Variants in RSPO3 observed in about 807,000 individuals in gnomAD.
RSPO3 encodes the protein R-spondin 3.
Under a neutral mutation model 36.5 loss-of-function variants are expected in RSPO3, and 17 were observed. The observed-to-expected ratio is 0.47, with a 90% CI of 0.32 to 0.70. The LOEUF is 0.70. Among genes scored for constraint, RSPO3 ranks in the 30% least tolerant of loss-of-function variants. The probability of loss-of-function intolerance (pLI) is 0.04; values close to 1 mark genes in which losing one functional copy is unlikely to be tolerated. For synonymous variants in RSPO3, 108 were observed against 107.0 expected (o/e 1.01, Z -0.06); for missense variants, 294 against 322.5 (o/e 0.91, Z 0.68).
chr6:127,169,435 A>G (rs1330664225), intron 4 of RSPO3, among the ~76,000 whole-genome samples: 2 of 151,872 alleles, frequency 1.3e-5, no homozygotes, highest in African/African-American at 4.8e-5. Flanking sequence ...TGTATAAGCT[A>G]TCTTGTCCTA....
At chr6:127,188,299 T>C (rs1341043865) in intron 4 of RSPO3, among the ~76,000 whole-genome samples, 1 of 152,226 alleles carries the variant, frequency 6.6e-6, no homozygotes, top group East Asian at 1.9e-4. Context: ...AAAGAGAGTT[T>C]ATTATGCTTA....
Position 127,198,906 on chromosome 6 carries a change from A to T in RSPO3, c.*2899A>T, listed in dbSNP as rs1005502332. On this transcript the variant is annotated 3_prime_UTR_variant, in exon 5 of 5. Coordinates refer to ENST00000356698, the MANE Select transcript of RSPO3 (RefSeq NM_032784.5). ...AACCCTGCTTTTCTCAAAAGTGAAA[A>T]TGTATAGGCTCTCAGAGGAGACAGA... Among the ~76,000 whole-genome samples the T allele has an allele frequency of 2.6e-5, 4 of 152,214 alleles. No homozygotes were observed. The highest frequency in any genetic ancestry group is 4.8e-5 in the African/African-American group (2 of 41,454).
At chr6:127,167,304 G>A (rs1774840727) in intron 4 of RSPO3, among the ~76,000 whole-genome samples, 1 of 151,914 alleles carries the variant, frequency 6.6e-6, no homozygotes, top group African/African-American at 2.4e-5. Context: ...AGGTACCAGT[G>A]TGTGTTGTTT....
intron 4 of RSPO3, among the ~76,000 whole-genome samples, chr6:127,160,086 A>G (rs1410122686): frequency 6.6e-6 from 1 of 152,110 alleles, no homozygotes; most frequent in Non-Finnish European, 1.5e-5. Flanking sequence ...TCTTTTTCAT[A>G]ATACTCTCCT....
intron 4 of RSPO3, among the ~76,000 whole-genome samples, chr6:127,174,875 CAGAA>C (rs1447919978): frequency 6.6e-6 from 1 of 151,712 alleles, no homozygotes; most frequent in East Asian, 1.9e-4. Context: ...GGAAGTCTGA[CAGAA>C]AGAGTGTTTA....
chr6:127,198,001 C>G lies in RSPO3; in HGVS notation c.*1994C>G, dbSNP rs1407130163. Among the ~76,000 whole-genome samples, 1 of 152,214 alleles carries G rather than the reference C, an allele frequency of 6.6e-6. No homozygotes were observed. Among genetic ancestry groups the G allele is most frequent in the Non-Finnish European group, 1.5e-5 (1 of 68,042 alleles). On this transcript the variant is annotated 3_prime_UTR_variant, in exon 5 of 5. Transcript: ENST00000356698. ...ATCTTTCTTCTGAGTGTTACCCAGT[C>G]AAGTATAAGTAGCCAAATTATTTTT... is the stretch of plus-strand genomic sequence containing the variant.
chr6:127,172,306 T>G (rs546307611), intron 4 of RSPO3, among the ~76,000 whole-genome samples: 2 of 151,340 alleles, frequency 1.3e-5, no homozygotes, highest in African/African-American at 4.8e-5. Context: ...TACATATGGT[T>G]TTTATAATCA....
intron 1 of RSPO3, among the ~76,000 whole-genome samples, chr6:127,128,582 A>T (rs937892380): frequency 6.6e-6 from 1 of 152,134 alleles, no homozygotes; most frequent in Non-Finnish European, 1.5e-5. Context: ...GGCTAGACAG[A>T]CAAAATAGAC....
rs1554220624 is a variant in RSPO3 at position 127,144,643 on chromosome 6, G to GTTTTTTTTTTGTTTTTTTTTTT, written c.98-3995_98-3994insGTTTTTTTTTTTTTTTTTTTTT. Among the ~76,000 whole-genome samples the GTTTTTTTTTTGTTTTTTTTTTT allele has an allele frequency of 2.0e-5, 2 of 99,130 alleles. 1 individual carries two copies. The highest frequency in any genetic ancestry group is 8.3e-5 in the African/African-American group (2 of 24,076). The allele number at this position is 99,130 out of a possible 152,430, so 65.0% of individuals were successfully genotyped here. On this transcript the variant is annotated intron_variant, in intron 1 of 4. Coordinates refer to ENST00000356698, the MANE Select transcript of RSPO3 (RefSeq NM_032784.5). The stretch of plus-strand genomic sequence containing the variant: ...TGTAATTTTTCAGTAGCTTCCCCTT[G>GTTTTTTTTTTGTTTTTTTTTTT]TTTTTTTTTTTTTCAGACAGAGTCT...
intron 1 of RSPO3, among the ~76,000 whole-genome samples, chr6:127,137,676 A>G (rs552962073): frequency 6.6e-6 from 1 of 152,290 alleles, no homozygotes; most frequent in East Asian, 1.9e-4. Flanking sequence ...GTATTCCTAC[A>G]TAAAGCATTT....
At chr6:127,123,871 C>T (rs1322372661) in intron 1 of RSPO3, among the ~76,000 whole-genome samples, 6 of 151,972 alleles carry the variant, frequency 3.9e-5, no homozygotes, top group Non-Finnish European at 7.4e-5. Flanking sequence ...GAAATTACAA[C>T]GTGTAGTAAA....
intron 4 of RSPO3, among the ~76,000 whole-genome samples, chr6:127,176,283 CTAAGAT>C: frequency 6.6e-6 from 1 of 151,672 alleles, no homozygotes; most frequent in Non-Finnish European, 1.5e-5. Context: ...ATTGCATTGA[CTAAGAT>C]TAAGTAAAAG....
At chr6:127,129,637 C>T (rs1173689526) in intron 1 of RSPO3, among the ~76,000 whole-genome samples, 1 of 152,014 alleles carries the variant, frequency 6.6e-6, no homozygotes, top group African/African-American at 2.4e-5. Context: ...GAAAACAATG[C>T]TTTTTCACTA....
At chr6:127,152,942 G>A (rs968734900) in intron 3 of RSPO3, among the ~76,000 whole-genome samples, 5 of 152,148 alleles carry the variant, frequency 3.3e-5, no homozygotes, top group African/African-American at 1.2e-4. Flanking sequence ...ACATTCCCTT[G>A]CTATGTTCTC....
intron 1 of RSPO3, among the ~76,000 whole-genome samples, chr6:127,121,827 G>T (rs1773851849): frequency 6.6e-6 from 1 of 152,184 alleles, no homozygotes; most frequent in Admixed American, 6.5e-5. Flanking sequence ...AAAACATGTG[G>T]TCAAACGTGT....
intron 1 of RSPO3, among the ~76,000 whole-genome samples, chr6:127,145,826 T>A (rs929876278): frequency 2.0e-5 from 3 of 152,182 alleles, no homozygotes; most frequent in African/African-American, 7.2e-5. Context: ...GAAAGACACA[T>A]GAGAAAGTAA....
chr6:127,150,972 A>G (rs1237143496), intron 3 of RSPO3, among the ~76,000 whole-genome samples: 1 of 151,682 alleles, frequency 6.6e-6, no homozygotes, highest in Non-Finnish European at 1.5e-5. Flanking sequence ...CTTGAACTTA[A>G]TTTTTACCTT....
chr6:127,167,662 C>A (rs1582804428), intron 4 of RSPO3, among the ~76,000 whole-genome samples: 1 of 151,938 alleles, frequency 6.6e-6, no homozygotes, highest in Non-Finnish European at 1.5e-5. Flanking sequence ...GCACAACATG[C>A]AGGTTTGTTA....
intron 3 of RSPO3, 116 bp from the exon 4 acceptor site, chr6:127,155,125 C>T (rs562855270): frequency 1.3e-4 from 121 of 955,026 alleles, no homozygotes; most frequent in Non-Finnish European, 1.8e-4. Flanking sequence ...CGACTTTGAT[C>T]TGCAAGATTC....
Sources: allele counts gnomAD v4.1 joint callset (sites outside exome capture counted in the v4.1 genomes callset), GRCh38; gene constraint gnomAD v4.1.1; transcripts MANE v1.5; gene names NCBI Gene and HGNC (gene_info 2026-07-23, HGNC 2026-07-21).